CPEB3: variants seen among roughly 807,000 people sequenced by gnomAD.
The protein encoded by CPEB3 is cytoplasmic polyadenylation element binding protein 3, also known as cytoplasmic polyadenylation element-binding protein 3.
Under a neutral mutation model 67.2 loss-of-function variants are expected in CPEB3, and 20 were observed. That is an observed-to-expected ratio of 0.30 (90% CI 0.21 to 0.43). CPEB3 has a LOEUF of 0.43. CPEB3 is among the 20% of genes least tolerant of loss of function. The pLI is 1.00. For missense variants in CPEB3, 746 were observed against 968.6 expected (o/e 0.77, Z 3.05); for synonymous variants, 376 against 393.1 (o/e 0.96, Z 0.51).
rs568657439 is a variant in CPEB3 at position 92,067,932 on chromosome 10, AATCT to A, written c.1869+13384_1869+13387del. Reference sequence around the variant, plus strand: ...ACCCACAGTTATTAATTTTAGAAGCAATCTAGGGTAGATTTTTAAAAATCAGAGG... The same window carrying A: ...ACCCACAGTTATTAATTTTAGAAGCAAGGGTAGATTTTTAAAAATCAGAGG... On this transcript the variant is annotated intron_variant, in intron 9 of 9. Coordinates refer to ENST00000265997, the MANE Select transcript of CPEB3 (RefSeq NM_014912.5). 1.2e-3 allele frequency among the ~76,000 whole-genome samples: 182 copies of A among 152,370 alleles called. 2 individuals carry two copies. Among genetic ancestry groups the A allele is most frequent in the Non-Finnish European group, 2.2e-3 (147 of 68,040 alleles).
chr10:92,202,981 G>A (rs1442295911), intron 2 of CPEB3, among the ~76,000 whole-genome samples: 1 of 144,690 alleles, frequency 6.9e-6, no homozygotes, highest in African/African-American at 2.6e-5. Context: ...TAGCTCTGTC[G>A]CCCAGGCTGG....
chr10:92,196,093 C>T (rs577052089), intron 2 of CPEB3, among the ~76,000 whole-genome samples: 1 of 152,216 alleles, frequency 6.6e-6, no homozygotes, highest in East Asian at 1.9e-4. Flanking sequence ...CATGTAGAGC[C>T]GATTAAAACA....
chr10:92,226,201 A>C (rs1021140321), intron 2 of CPEB3, among the ~76,000 whole-genome samples: 4 of 152,054 alleles, frequency 2.6e-5, no homozygotes, highest in Non-Finnish European at 2.9e-5. Context: ...AATCGGAAAA[A>C]CTCCGAAAAT....
At chr10:92,171,199 A>G (rs1288098461) in intron 4 of CPEB3, among the ~76,000 whole-genome samples, 1 of 152,220 alleles carries the variant, frequency 6.6e-6, no homozygotes, top group Non-Finnish European at 1.5e-5. Context: ...CTGCAGTAGC[A>G]TGGAGAAGCT....
chr10:92,209,041 TTTATC>T (rs1278003865), intron 2 of CPEB3, among the ~76,000 whole-genome samples: 1 of 152,224 alleles, frequency 6.6e-6, no homozygotes, highest in Admixed American at 6.5e-5. Flanking sequence ...ACTTAATCTT[TTTATC>T]TTTAATTCTT....
At chr10:92,182,068 C>T (rs1848485690) in intron 3 of CPEB3, among the ~76,000 whole-genome samples, 1 of 151,920 alleles carries the variant, frequency 6.6e-6, no homozygotes, top group South Asian at 2.1e-4. Flanking sequence ...TGAAACAATG[C>T]TTTTGTGTAA....
chr10:92,217,629 GCA>G (rs879843984), intron 2 of CPEB3, among the ~76,000 whole-genome samples: 9 of 152,120 alleles, frequency 5.9e-5, no homozygotes, highest in Non-Finnish European at 1.2e-4. Flanking sequence ...GGGCGTGGTG[GCA>G]CATGCCTGTA....
chr10:92,291,212 G>A, upstream of CPEB3: 2 of 517,178 alleles, frequency 3.9e-6, no homozygotes, highest in Non-Finnish European at 6.8e-6. Context: ...CGGCGCCCGC[G>A]GTCCATGGAC....
In CPEB3 at chr10:92,052,093, T is replaced by C. The variant is rs1457244683; in HGVS notation, c.*119A>G. The C allele has an allele frequency of 6.4e-6, 4 of 628,326 alleles. No homozygotes were observed. The highest frequency in any genetic ancestry group is 1.1e-5 in the Non-Finnish European group (4 of 354,796). The allele number at this position is 628,326 out of a possible 1,614,324, so 38.9% of individuals were successfully genotyped here. A position where few individuals can be genotyped will look rare whatever the true frequency, so the allele number is the denominator to read the frequency against. On this transcript the variant is annotated 3_prime_UTR_variant, in exon 10 of 10. Coordinates refer to ENST00000265997, the MANE Select transcript of CPEB3 (RefSeq NM_014912.5). Reference sequence around the variant, plus strand: ...AATAATAATAAAAAGACCCAATTCTTCTTTAAAAATCGAGAACGAATGCAC... The same window carrying C: ...AATAATAATAAAAAGACCCAATTCTCCTTTAAAAATCGAGAACGAATGCAC...
intron 1 of CPEB3, among the ~76,000 whole-genome samples, chr10:92,267,037 A>G (rs1427740236): frequency 1.3e-5 from 2 of 148,882 alleles, no homozygotes; most frequent in African/African-American, 2.5e-5. Context: ...TTCATCTCCA[A>G]AAAAAAAAAG....
chr10:92,119,301 G>A, intron 6 of CPEB3: 2 of 1,471,638 alleles, frequency 1.4e-6, no homozygotes, highest in South Asian at 2.3e-5. Context: ...TCCCCTTGGA[G>A]CAGTAGAGTA....
intron 9 of CPEB3, among the ~76,000 whole-genome samples, chr10:92,079,876 T>A (rs929718419): frequency 6.6e-6 from 1 of 152,158 alleles, no homozygotes; most frequent in Non-Finnish European, 1.5e-5. Flanking sequence ...GAATTAATAG[T>A]CACTGCACAG....
At chr10:92,270,983 CCTAGT>C (rs2134990000) in intron 1 of CPEB3, among the ~76,000 whole-genome samples, 1 of 152,270 alleles carries the variant, frequency 6.6e-6, no homozygotes, top group Admixed American at 6.5e-5. Context: ...TTGAGACCAG[CCTAGT>C]CAACATGGTG....
At chr10:92,078,189 T>C (rs561623942) in intron 9 of CPEB3, among the ~76,000 whole-genome samples, 3 of 152,102 alleles carry the variant, frequency 2.0e-5, no homozygotes, top group African/African-American at 7.2e-5. Flanking sequence ...CCCAAGGTCA[T>C]ATAACCCCAA....
intron 7 of CPEB3, among the ~76,000 whole-genome samples, chr10:92,098,160 TAAAAAAAAAAAAAAAA>T (rs1166249584): frequency 5.8e-4 from 21 of 36,104 alleles, no homozygotes; most frequent in Admixed American, 9.2e-4. Context: ...ACACTCTGCC[TAAAAAAAAAAAAAAAA>T]AAAAAAAAAA....
intron 9 of CPEB3, 147 bp downstream of exon 9, chr10:92,081,168 CTCTTT>C: frequency 5.1e-6 from 4 of 790,952 alleles, no homozygotes; most frequent in South Asian, 4.9e-5. Context: ...CAACAGTGCT[CTCTTT>C]TTCAGGCAGC....
Position 92,143,080 on chromosome 10 carries a change from CGA to C in CPEB3, c.1400_1401del (p.Leu467ArgfsTer9). ...ITASFRRFGPLVVDWPHKAES... is the reference protein window; with the variant it reads ...ITASFRRFGPXVVDWPHKAES... ...TCAGCTTTGTGAGGCCAGTCTACTACGAGAGGTCCAAACCTGCGAAAGCTGGC... is the reference window on the plus strand; with the variant it reads ...TCAGCTTTGTGAGGCCAGTCTACTACGAGGTCCAAACCTGCGAAAGCTGGC... On this transcript the variant is annotated frameshift_variant, in exon 6 of 10. Coordinates refer to ENST00000265997, the MANE Select transcript of CPEB3 (RefSeq NM_014912.5). LOFTEE classifies it high-confidence loss of function. 1 of 1,613,596 alleles carries C rather than the reference CGA, an allele frequency of 6.2e-7. No individual in the cohort carries two copies. Among genetic ancestry groups the C allele is most frequent in the Non-Finnish European group, 8.5e-7 (1 of 1,179,762 alleles).
At chr10:92,096,020 C>A (rs1843857821) in intron 7 of CPEB3, among the ~76,000 whole-genome samples, 1 of 147,136 alleles carries the variant, frequency 6.8e-6, no homozygotes. Flanking sequence ...GAGTGTGCCA[C>A]CACACCTGGC....
At chr10:92,069,018 G>C (rs370767051) in intron 9 of CPEB3, among the ~76,000 whole-genome samples, 14 of 152,274 alleles carry the variant, frequency 9.2e-5, no homozygotes, top group African/African-American at 2.4e-4. Context: ...CAAGATAAAG[G>C]CTGGGTTGTA....
Sources: allele counts gnomAD v4.1 joint callset (sites outside exome capture counted in the v4.1 genomes callset), GRCh38; gene constraint gnomAD v4.1.1; transcripts MANE v1.5; gene names NCBI Gene and HGNC (gene_info 2026-07-23, HGNC 2026-07-21).